Variants in NRCAM observed in about 807,000 individuals in gnomAD.
NRCAM encodes NgCAM-related cell adhesion molecule.
In NRCAM, 83 loss-of-function variants were observed where a neutral mutation model predicts 156.5. That is an observed-to-expected ratio of 0.53 (90% CI 0.44 to 0.64). The LOEUF (loss-of-function observed/expected upper bound fraction) is 0.64. Ranked by LOEUF, NRCAM falls within the 30% of genes least tolerant of loss-of-function variation. The pLI is 0.00. For synonymous variants in NRCAM, 538 were observed against 563.9 expected (o/e 0.95, Z 0.65); for missense variants, 1,417 against 1,597.3 (o/e 0.89, Z 1.92).
At chr7:108,449,553 C>A (rs1213488910) in intron 1 of NRCAM, among the ~76,000 whole-genome samples, 3 of 152,174 alleles carry the variant, frequency 2.0e-5, no homozygotes, top group Admixed American at 1.3e-4. Flanking sequence ...CCAAAAAACT[C>A]CAGGACAAAA....
At chr7:108,150,665 T>C in intron 32 of NRCAM, 1 of 521,438 alleles carries the variant, frequency 1.9e-6, no homozygotes, top group Non-Finnish European at 3.9e-6. Context: ...TTGTTATCAA[T>C]GCAGGCCAGA....
chr7:108,455,747 G>T (rs1001554385), intron 1 of NRCAM, among the ~76,000 whole-genome samples: 1 of 152,180 alleles, frequency 6.6e-6, no homozygotes, highest in Non-Finnish European at 1.5e-5. Context: ...ACAGGCACAC[G>T]CCCGTGCGCT....
At chr7:108,285,504 T>C (rs1039320698) in intron 3 of NRCAM, among the ~76,000 whole-genome samples, 3 of 152,182 alleles carry the variant, frequency 2.0e-5, no homozygotes, top group Admixed American at 6.5e-5. Flanking sequence ...AATTCCCAGT[T>C]TGCTCAGAGG....
At chr7:108,187,671 G>A (rs2067837084) in intron 20 of NRCAM, among the ~76,000 whole-genome samples, 1 of 152,012 alleles carries the variant, frequency 6.6e-6, no homozygotes, top group African/African-American at 2.4e-5. Context: ...GCAAGAGGTG[G>A]CCGGGCGCAG....
chr7:108,449,388 C>A (rs917381109), intron 1 of NRCAM, among the ~76,000 whole-genome samples: 1 of 152,134 alleles, frequency 6.6e-6, no homozygotes, highest in Non-Finnish European at 1.5e-5. Context: ...CTGAAAAGGG[C>A]CAAGACAACA....
chr7:108,306,408 T>C (rs367711563), intron 3 of NRCAM, among the ~76,000 whole-genome samples: 1 of 152,204 alleles, frequency 6.6e-6, no homozygotes, highest in East Asian at 1.9e-4. Flanking sequence ...TCTGTTAAAA[T>C]ACTATAGTGT....
intron 2 of NRCAM, among the ~76,000 whole-genome samples, chr7:108,326,949 T>C (rs2099075199): frequency 6.6e-6 from 1 of 152,224 alleles, no homozygotes; most frequent in Admixed American, 6.5e-5. Flanking sequence ...CTTGACTTCT[T>C]TAAACAACAC....
At chr7:108,187,069 A>AAGTAC (rs2067316345) in intron 20 of NRCAM, among the ~76,000 whole-genome samples, 1 of 152,150 alleles carries the variant, frequency 6.6e-6, no homozygotes, top group Admixed American at 6.6e-5. Context: ...GAATTCACTG[A>AAGTAC]AGTACCACAG....
intron 1 of NRCAM, among the ~76,000 whole-genome samples, chr7:108,408,841 A>G (rs1431602718): frequency 2.0e-5 from 3 of 152,208 alleles, no homozygotes; most frequent in African/African-American, 7.2e-5. Flanking sequence ...ACCCTCATTC[A>G]GTAAGAAATG....
intron 3 of NRCAM, among the ~76,000 whole-genome samples, chr7:108,255,401 C>T (rs1391500659): frequency 6.6e-5 from 10 of 152,320 alleles, no homozygotes; most frequent in Admixed American, 4.6e-4. Flanking sequence ...CTCCTGACCG[C>T]GAGTGATCTG....
chr7:108,405,190 T>C (rs2099803834), intron 1 of NRCAM, among the ~76,000 whole-genome samples: 1 of 152,198 alleles, frequency 6.6e-6, no homozygotes, highest in Non-Finnish European at 1.5e-5. Context: ...GACCTTACAT[T>C]TGTGGTTTGT....
chr7:108,349,699 T>C (rs954561207), intron 2 of NRCAM, among the ~76,000 whole-genome samples: 10 of 152,180 alleles, frequency 6.6e-5, no homozygotes, highest in Non-Finnish European at 1.5e-4. Context: ...CACTTTTGAA[T>C]AAATAGGAAG....
At chr7:108,160,130 C>A (rs2048001154) in intron 31 of NRCAM, among the ~76,000 whole-genome samples, 1 of 152,156 alleles carries the variant, frequency 6.6e-6, no homozygotes, top group Non-Finnish European at 1.5e-5. Flanking sequence ...AGTAGGCTCA[C>A]TAATGTTTTC....
chr7:108,392,330 A>T lies in NRCAM; in HGVS notation c.-174+7106T>A, dbSNP rs527575999. Among the ~76,000 whole-genome samples, 257 of 152,226 alleles carry T rather than the reference A, an allele frequency of 1.7e-3. 2 individuals carry two copies. Among genetic ancestry groups the T allele is most frequent in the South Asian group, 0.016 (76 of 4,820 alleles). ...ACTTCATTTCATTCATTTGATCTTC[A>T]ATCACTGATACCCTTTCTTACAGTT... is the stretch of plus-strand genomic sequence containing the variant. On this transcript the variant is annotated intron_variant, in intron 2 of 32. Coordinates refer to ENST00000379028, the MANE Select transcript of NRCAM (RefSeq NM_001037132.4).
chr7:108,387,001 T>C (rs2099742764), intron 2 of NRCAM, among the ~76,000 whole-genome samples: 1 of 152,156 alleles, frequency 6.6e-6, no homozygotes, highest in South Asian at 2.1e-4. Context: ...TCCCTTGATA[T>C]AAATCTAACT....
intron 2 of NRCAM, among the ~76,000 whole-genome samples, chr7:108,375,604 A>C (rs2099671805): frequency 6.6e-6 from 1 of 152,222 alleles, no homozygotes; most frequent in Admixed American, 6.5e-5. Context: ...CATGAGAGAT[A>C]ATAATGGAAC....
At chr7:108,368,224 A>ACCCCCCCCCCCCCCCCCCCCCCC (rs67897117) in intron 2 of NRCAM, among the ~76,000 whole-genome samples, 34 of 91,066 alleles carry the variant, frequency 3.7e-4, no homozygotes, top group South Asian at 5.5e-4. Context: ...ACACTTTCAT[A>ACCCCCCCCCCCCCCCCCCCCCCC]CCCCCCCCCA....
At chr7:108,202,508 TC>T (rs1373624623) in intron 13 of NRCAM, among the ~76,000 whole-genome samples, 1 of 152,212 alleles carries the variant, frequency 6.6e-6, no homozygotes, top group African/African-American at 2.4e-5. Flanking sequence ...TCTCAGTTAG[TC>T]AACTTTGTAA....
At chr7:108,212,447 C>CAG (rs2153606743) in intron 11 of NRCAM, among the ~76,000 whole-genome samples, 1 of 152,268 alleles carries the variant, frequency 6.6e-6, no homozygotes, top group East Asian at 1.9e-4. Flanking sequence ...TTAAGCTTAT[C>CAG]AGAGAGGCAC....
Sources: allele counts gnomAD v4.1 joint callset (sites outside exome capture counted in the v4.1 genomes callset), GRCh38; gene constraint gnomAD v4.1.1; transcripts MANE v1.5; gene names NCBI Gene and HGNC (gene_info 2026-07-23, HGNC 2026-07-21).